WWOX: variants seen among roughly 807,000 people sequenced by gnomAD.
WWOX encodes the protein WW domain containing oxidoreductase.
In WWOX, 69 loss-of-function variants were observed where a neutral mutation model predicts 46.2. The observed-to-expected ratio is 1.49, with a 90% CI of 1.23 to 1.82. The LOEUF is 1.82. Among genes scored for constraint, WWOX ranks in the 40% most tolerant of loss-of-function variants. The pLI, the probability that WWOX is intolerant of heterozygous loss-of-function variation, is 0.00. For synonymous variants in WWOX, 359 were observed against 202.6 expected (o/e 1.77, Z -6.56); for missense variants, 919 against 542.6 (o/e 1.69, Z -6.89).
intron 5 of WWOX, 143 bp downstream of exon 5, chr16:78,164,432 C>T: frequency 1.3e-6 from 1 of 782,256 alleles, no homozygotes; most frequent in South Asian, 1.6e-5. Flanking sequence ...CTTTGTTTGT[C>T]TTATGAATGA....
intron 1 of WWOX, among the ~76,000 whole-genome samples, chr16:78,100,751 C>G (rs1025108538): frequency 1.3e-5 from 2 of 152,246 alleles, no homozygotes; most frequent in Admixed American, 6.5e-5. Flanking sequence ...AGCACCGTGT[C>G]TAGTAGGTAC....
chr16:78,849,594 A>G (rs1434439146), intron 8 of WWOX, among the ~76,000 whole-genome samples: 1 of 146,018 alleles, frequency 6.8e-6, no homozygotes, highest in Admixed American at 6.9e-5. Context: ...AAAAAAAAAG[A>G]AAACAACTAC....
chr16:78,497,865 AATT>A (rs201218120), intron 8 of WWOX, among the ~76,000 whole-genome samples: 2,014 of 68,318 alleles, frequency 0.029, 12 homozygotes, highest in Non-Finnish European at 0.053. Context: ...ATTATAAAAA[AATT>A]AAAAAAGCCC....
At position 78,220,952 on chromosome 16, in the gene WWOX, T is replaced by G. The variant is rs149341698; in HGVS notation, c.516+56663T>G. On this transcript the variant is annotated intron_variant, in intron 5 of 8. Coordinates refer to ENST00000566780, the MANE Select transcript of WWOX (RefSeq NM_016373.4). ...GCATTTATTACTCTAAGCAAGAAAC[T>G]TCTATTTAATTTTTTAACCATTTGA... 6.2e-4 allele frequency among the ~76,000 whole-genome samples: 94 copies of G among 152,308 alleles called. 2 individuals are homozygous for G. Among genetic ancestry groups the G allele is most frequent in the Admixed American group, 1.4e-3 (21 of 15,300 alleles).
At chr16:79,162,352 C>T (rs1387626103) in intron 8 of WWOX, among the ~76,000 whole-genome samples, 13 of 152,256 alleles carry the variant, frequency 8.5e-5, no homozygotes, top group South Asian at 8.3e-4. Context: ...GTTAAGGCCA[C>T]GCAGACCAGA....
chr16:78,730,216 C>T (rs888510770), intron 8 of WWOX, among the ~76,000 whole-genome samples: 3 of 151,968 alleles, frequency 2.0e-5, no homozygotes, highest in East Asian at 3.9e-4. Flanking sequence ...AGTTGCTTCC[C>T]AAAAAGCGTC....
rs535703844 is a variant in WWOX at position 78,474,196 on chromosome 16, T to G, written c.1056+41444T>G. ...GTGTTAACATTGTTCAAATTTTCAT[T>G]ACTAACACCTCTCACATTGTTAGAA... On this transcript the variant is annotated intron_variant, in intron 8 of 8. Transcript: ENST00000566780. Among the ~76,000 whole-genome samples, 14 of 152,366 alleles carry G rather than the reference T, an allele frequency of 9.2e-5. 1 individual carries two copies. The South Asian group carries it at 2.1e-3, about 23-fold the overall frequency.
chr16:78,568,474 CTT>C (rs200073404), intron 8 of WWOX, among the ~76,000 whole-genome samples: 1,419 of 133,264 alleles, frequency 0.011, 9 homozygotes, highest in Admixed American at 0.027. Context: ...AAGCTTCCAA[CTT>C]TTTTTTTTTT....
At chr16:78,372,078 G>C (rs532760095) in intron 5 of WWOX, among the ~76,000 whole-genome samples, 3 of 152,148 alleles carry the variant, frequency 2.0e-5, no homozygotes, top group African/African-American at 7.2e-5. Flanking sequence ...GCCTAATTGT[G>C]AAGGAGACTG....
chr16:78,556,740 G>C (rs2044306768), intron 8 of WWOX, among the ~76,000 whole-genome samples: 1 of 151,974 alleles, frequency 6.6e-6, no homozygotes, highest in Non-Finnish European at 1.5e-5. Flanking sequence ...TTTCGAGATG[G>C]ACTTTCGCTT....
chr16:79,060,531 T>C (rs1216960313), intron 8 of WWOX, among the ~76,000 whole-genome samples: 3 of 152,252 alleles, frequency 2.0e-5, no homozygotes, highest in Admixed American at 1.3e-4. Flanking sequence ...AGACCAGCAC[T>C]GACTGGTGAT....
chr16:79,032,929 C>A (rs1351658708), intron 8 of WWOX, among the ~76,000 whole-genome samples: 2 of 151,438 alleles, frequency 1.3e-5, no homozygotes, highest in South Asian at 2.1e-4. Flanking sequence ...CACCCTCCAC[C>A]CTTTGGTAGG....
In WWOX at chr16:78,695,773, A is replaced by G. The variant is rs1430177666; in HGVS notation, c.1056+263021A>G. ...GAACCTGTGACAAAAACGAAAACCAATAAAAACATATATTGAGCATTGACC... is the reference window on the plus strand; with the variant it reads ...GAACCTGTGACAAAAACGAAAACCAGTAAAAACATATATTGAGCATTGACC... On this transcript the variant is annotated intron_variant, in intron 8 of 8. Transcript: ENST00000566780. Among the ~76,000 whole-genome samples the G allele has an allele frequency of 8.5e-5, 13 of 152,250 alleles. 1 individual carries two copies. Among genetic ancestry groups the G allele is most frequent in the Non-Finnish European group, 1.8e-4 (12 of 68,048 alleles).
chr16:78,496,370 A>C (rs1204956353), intron 8 of WWOX: 2 of 152,258 alleles, frequency 1.3e-5, no homozygotes, highest in African/African-American at 2.4e-5. Flanking sequence ...AGCATGTAGA[A>C]AGATCACTGC....
chr16:78,284,178 A>T (rs1050552290), intron 5 of WWOX, among the ~76,000 whole-genome samples: 1 of 151,982 alleles, frequency 6.6e-6, no homozygotes, highest in African/African-American at 2.4e-5. Context: ...GGGTTGGACA[A>T]CCCGTTCCCA....
intron 8 of WWOX, among the ~76,000 whole-genome samples, chr16:78,921,307 C>T (rs546239957): frequency 2.0e-5 from 3 of 152,256 alleles, no homozygotes; most frequent in African/African-American, 4.8e-5. Flanking sequence ...TTACTTTTCA[C>T]TGACTAAAAC....
At chr16:78,757,036 G>A (rs2049668257) in intron 8 of WWOX, 1 of 702,888 alleles carries the variant, frequency 1.4e-6, no homozygotes, top group Non-Finnish European at 2.6e-6. Context: ...CACGTTCGAA[G>A]TTGATTCTGC....
chr16:78,693,391 C>A (rs1274390386), intron 8 of WWOX, among the ~76,000 whole-genome samples: 5 of 152,156 alleles, frequency 3.3e-5, no homozygotes, highest in African/African-American at 1.2e-4. Flanking sequence ...TTCTAAGTTC[C>A]ATTGCAAAAA....
At chr16:78,894,472 C>T (rs1237795001) in intron 8 of WWOX, among the ~76,000 whole-genome samples, 1 of 152,176 alleles carries the variant, frequency 6.6e-6, no homozygotes, top group Non-Finnish European at 1.5e-5. Flanking sequence ...TTGTAGTCAG[C>T]CTCTCTACTG....
Sources: gnomAD v4.1 joint callset for allele counts (sites outside exome capture counted in the v4.1 genomes callset) on GRCh38, gnomAD v4.1.1 for gene constraint, MANE v1.5 for transcripts, NCBI Gene and HGNC (gene_info 2026-07-23, HGNC 2026-07-21) for gene names.